Variants in LPCAT1 observed in about 807,000 individuals in gnomAD.
LPCAT1 encodes the protein lysophosphatidylcholine acyltransferase 1, also known as 1-acylglycerol-3-phosphate O-acyltransferase.
A neutral mutation model predicts 60.9 loss-of-function variants in LPCAT1; 23 were observed. The ratio of observed to expected loss-of-function variants is 0.38; its 90% CI spans 0.27 to 0.53. LPCAT1 has a LOEUF of 0.53. Ranked by LOEUF, LPCAT1 falls within the 20% of genes least tolerant of loss-of-function variation. LPCAT1 has a pLI of 0.82. For missense variants in LPCAT1, 622 were observed against 723.6 expected (o/e 0.86, Z 1.61); for synonymous variants, 340 against 301.1 (o/e 1.13, Z -1.34).
rs1734155194 is a variant in LPCAT1, at chr5:1,462,761, A to C, written c.*890T>G. The C allele has an allele frequency of 6.6e-6, 1 of 152,142 alleles. No individual in the cohort carries two copies. The highest frequency in any genetic ancestry group is 2.1e-4 in the South Asian group (1 of 4,834). The allele number at this position is 152,142 out of a possible 1,614,324, so 9.4% of individuals were successfully genotyped here. A position where few individuals can be genotyped will look rare whatever the true frequency, so the allele number is the denominator to read the frequency against. ...GCCCTGCTCATTTGAACAATATCCA[A>C]CCTCGGACTGGAGTTTAGGCTACAG... On this transcript the variant is annotated 3_prime_UTR_variant, in exon 14 of 14. Coordinates refer to ENST00000283415, the MANE Select transcript of LPCAT1 (RefSeq NM_024830.5).
chr5:1,492,368 G>A (rs984114491), intron 3 of LPCAT1, among the ~76,000 whole-genome samples: 2 of 151,526 alleles, frequency 1.3e-5, no homozygotes, highest in African/African-American at 2.4e-5. Flanking sequence ...TGGGGAGATG[G>A]TTTTGAGCTG....
rs544813433 is a variant in LPCAT1 at position 1,491,413 on chromosome 5, AG to A, written c.494-1556del. On this transcript the variant is annotated intron_variant, in intron 3 of 13. Coordinates refer to ENST00000283415, the MANE Select transcript of LPCAT1 (RefSeq NM_024830.5). ...CTGGTTTGTTTTGTGAACAGAGTAG[AG>A]ATTTCAGAAGTTGTCTATAACGGCA... Among the ~76,000 whole-genome samples the A allele has an allele frequency of 6.0e-5, 9 of 150,782 alleles. No individual in the cohort carries two copies. In the East Asian group the frequency reaches 1.6e-3, roughly 26 times the overall value.
chr5:1,471,617 CAGG>C (rs1560952880), intron 11 of LPCAT1, among the ~76,000 whole-genome samples: 4 of 148,584 alleles, frequency 2.7e-5, no homozygotes, highest in African/African-American at 1.0e-4. Flanking sequence ...GGTCAGACAG[CAGG>C]AGATGAAGGG....
At chr5:1,479,586 T>G (rs760044506) in intron 8 of LPCAT1, 35 bp downstream of exon 8, 15 of 1,518,758 alleles carry the variant, frequency 9.9e-6, no homozygotes, top group Non-Finnish European at 1.3e-5. Context: ...TCAACCACTG[T>G]GAAGAGCGCT....
rs1377092738 is a variant in LPCAT1, at chr5:1,523,816, G to A, written c.29C>T (p.Ala10Val). The A allele has an allele frequency of 3.7e-6, 4 of 1,090,332 alleles. No homozygotes were observed. The highest frequency in any genetic ancestry group is 5.5e-5 in the East Asian group (1 of 18,124). 67.5% of individuals were successfully genotyped at this position (1,090,332 alleles called of 1,614,324 possible). Reference sequence around the variant, plus strand: ...GGCCCCTGCGCTGGAGGCAGGGGCGGCCCGGGGTCCGCATCCCCGCAGCCT... The same window carrying A: ...GGCCCCTGCGCTGGAGGCAGGGGCGACCCGGGGTCCGCATCCCCGCAGCCT... MRLRGCGPRAAPASSAGASD... is the reference protein window; with the variant it reads MRLRGCGPRVAPASSAGASD... Residue 10 changes from alanine to valine, a missense_variant, in exon 1 of 14, where the codon GCC (alanine) becomes GTC (valine). By Grantham distance (64) the Ala-to-Val change is moderately conservative. Coordinates refer to ENST00000283415, the MANE Select transcript of LPCAT1 (RefSeq NM_024830.5). This position sits in a 1 kb window ranked among gnomAD's most constrained non-coding sequence, Gnocchi z 7.1.
intron 5 of LPCAT1, among the ~76,000 whole-genome samples, chr5:1,486,716 A>C (rs1735383979): frequency 6.6e-6 from 1 of 152,022 alleles, no homozygotes; most frequent in African/African-American, 2.4e-5. Context: ...GAGGCTCCAA[A>C]CCTCACTAAG....
intron 13 of LPCAT1, among the ~76,000 whole-genome samples, chr5:1,465,794 ATAC>A (rs1734367177): frequency 2.0e-5 from 3 of 151,818 alleles, no homozygotes; most frequent in South Asian, 2.1e-4. Context: ...CACACTTTCA[ATAC>A]TAAAAGAAGC....
At chr5:1,504,177 C>G (rs1169152420) in intron 1 of LPCAT1, among the ~76,000 whole-genome samples, 3 of 152,240 alleles carry the variant, frequency 2.0e-5, no homozygotes, top group Admixed American at 1.3e-4. Context: ...CACAGCTCCC[C>G]CTAAGGACCA....
intron 13 of LPCAT1, among the ~76,000 whole-genome samples, chr5:1,464,292 C>T (rs1734234401): frequency 1.3e-5 from 2 of 152,256 alleles, no homozygotes; most frequent in African/African-American, 2.4e-5. Flanking sequence ...ACTTCCTGGC[C>T]GCTGTGCCTG....
At position 1,477,414 on chromosome 5, in the gene LPCAT1, C is replaced by G. The variant is rs1734963281; in HGVS notation, c.889G>C (p.Val297Leu). 1 of 1,613,982 alleles carries G rather than the reference C, an allele frequency of 6.2e-7. No individual in the cohort carries two copies. The highest frequency in any genetic ancestry group is 1.1e-5 in the South Asian group (1 of 91,076). Residue 297 changes from valine (V) to leucine (L), a missense_variant, in exon 9 of 14, where the codon GTC becomes CTC. Val to Leu is a conservative substitution (Grantham distance 32, BLOSUM62 1). Around this residue, in one of 3 missense-constraint regions of LPCAT1, gnomAD observed 209 missense variants for 325.5 expected, o/e 0.64. Transcript: ENST00000283415. This position sits in a 1 kb window ranked among gnomAD's most constrained non-coding sequence, Gnocchi z 6.0. ...PALYASNVRR[V>L]MAEALGVSVT... ...GAGCTGCTCACTTACTCGGCCATGA[C>G]TCGCCGCACGTTGCTGGCATACAGC...
chr5:1,507,666 G>A lies in LPCAT1; in HGVS notation c.136-6063C>T, dbSNP rs140690403. Among the ~76,000 whole-genome samples, 50 of 152,264 alleles carry A rather than the reference G, an allele frequency of 3.3e-4. No homozygotes were observed. The South Asian group carries it at 6.2e-3, about 19-fold the overall frequency. ...GCCTGCAGTCCCAGGAGCACGGCGC[G>A]GCCCAAATCAAGGAAGCTGGCAGAG... On this transcript the variant is annotated intron_variant, in intron 1 of 13. Transcript: ENST00000283415.
chr5:1,517,535 G>T (rs996173970), intron 1 of LPCAT1, among the ~76,000 whole-genome samples: 4 of 152,250 alleles, frequency 2.6e-5, no homozygotes, highest in Non-Finnish European at 5.9e-5. Context: ...GCAGGCACAG[G>T]AGGCACCGGG....
At chr5:1,463,901 CT>C in intron 13 of LPCAT1, 66 bp from the exon 14 acceptor site, 1 of 1,559,158 alleles carries the variant, frequency 6.4e-7, no homozygotes, top group Non-Finnish European at 8.8e-7. Context: ...TTTGGAGGCT[CT>C]TTTCCCACGG....
At position 1,481,787 on chromosome 5, in the gene LPCAT1, C is replaced by A. The variant is rs370319186; in HGVS notation, c.727-811G>T. On this transcript the variant is annotated intron_variant, in intron 6 of 13. Coordinates refer to ENST00000283415, the MANE Select transcript of LPCAT1 (RefSeq NM_024830.5). The surrounding 1 kb of genome is among the most constrained non-coding windows in gnomAD (Gnocchi z 7.8). ...AAGGGGCCCTTGGCCAGGAGCCTGG[C>A]TGACAAACGCACGCCTCAGTAAGAA... Among the ~76,000 whole-genome samples, 2 of 152,374 alleles carry A rather than the reference C, an allele frequency of 1.3e-5. No individual in the cohort carries two copies. Among genetic ancestry groups the A allele is most frequent in the East Asian group, 3.9e-4 (2 of 5,190 alleles).
Position 1,523,620 on chromosome 5 carries a change from C to T in LPCAT1, c.135+90G>A. On this transcript the variant is annotated intron_variant, in intron 1 of 13. Coordinates refer to ENST00000283415, the MANE Select transcript of LPCAT1 (RefSeq NM_024830.5). The surrounding 1 kb of genome is among the most constrained non-coding windows in gnomAD (Gnocchi z 7.1). ...AGGGCCGCGCCGCGCCCCAGGCCCC[C>T]TCCCCGGCCCCTCCTCGGCCGCGCC... is the stretch of plus-strand genomic sequence containing the variant. The T allele has an allele frequency of 7.5e-6, 7 of 932,314 alleles. No homozygotes were observed. Among genetic ancestry groups the T allele is most frequent in the Non-Finnish European group, 9.1e-6 (7 of 773,374 alleles). 57.8% of individuals were successfully genotyped at this position (932,314 alleles called of 1,614,324 possible). A position where few individuals can be genotyped will look rare whatever the true frequency, so the allele number is the denominator to read the frequency against.
Position 1,466,771 on chromosome 5 carries a change from C to T in LPCAT1, c.1398G>A (p.Glu466=), listed in dbSNP as rs1734425885. ...CACCGAATGTGATCTTCCCCTTCTC[C>T]TCTTGGTCAATGGCTCGGAATAGGT... The part of the protein sequence containing the change: ...VTDLFRAIDQ[E]EKGKITFADF... The change falls in exon 13 of 14, where the codon GAG becomes GAA. Residue 466 remains glutamate (E), a synonymous_variant. Transcript: ENST00000283415. The T allele has an allele frequency of 6.2e-7, 1 of 1,612,218 alleles. No homozygotes were observed. The highest frequency in any genetic ancestry group is 1.3e-5 in the African/African-American group (1 of 74,860).
chr5:1,463,618 G>A lies in LPCAT1; in HGVS notation c.*33C>T, dbSNP rs541828514. On this transcript the variant is annotated 3_prime_UTR_variant, in exon 14 of 14. Coordinates refer to ENST00000283415, the MANE Select transcript of LPCAT1 (RefSeq NM_024830.5). ...AGGCTCATGGCGGTGATGTCCACGC[G>A]GGAGGGGCCGCGTCTCTCCGCAACC... 3.1e-6 allele frequency: 5 copies of A among 1,610,028 alleles called. No homozygotes were observed. The African/African-American group carries it at 5.3e-5, about 17-fold the overall frequency.
chr5:1,484,877 A>G (rs3806884), intron 5 of LPCAT1, among the ~76,000 whole-genome samples: 62,487 of 152,096 alleles, frequency 0.41, 14,743 homozygotes, highest in African/African-American at 0.65. Flanking sequence ...ACCTGGGAGC[A>G]AGCTCATGCA....
At chr5:1,504,706 C>T (rs1736128771) in intron 1 of LPCAT1, among the ~76,000 whole-genome samples, 1 of 138,460 alleles carries the variant, frequency 7.2e-6, no homozygotes, top group Non-Finnish European at 1.5e-5. Flanking sequence ...AAGAGCGAAT[C>T]TCCGTCCCAA....
Sources: allele counts gnomAD v4.1 joint callset (sites outside exome capture counted in the v4.1 genomes callset), GRCh38; gene constraint gnomAD v4.1.1; regional missense constraint gnomAD v4.1.1; non-coding constraint Gnocchi (gnomAD v3.1); transcripts MANE v1.5; gene names NCBI Gene and HGNC (gene_info 2026-07-23, HGNC 2026-07-21).